Variants in INVS observed in about 807,000 individuals in gnomAD.
INVS encodes inversion of embryo turning homolog.
A neutral mutation model predicts 108.8 loss-of-function variants in INVS; 86 were observed. The observed-to-expected ratio is 0.79, with a 90% CI of 0.66 to 0.95. The LOEUF (loss-of-function observed/expected upper bound fraction) is 0.95, where lower values mean the gene tolerates loss of function less well. Ranked by LOEUF, INVS falls within the 40% of genes least tolerant of loss-of-function variation. The pLI, the probability that INVS is intolerant of heterozygous loss-of-function variation, is 0.00. For missense variants in INVS, 1,169 were observed against 1,297.4 expected (o/e 0.90, Z 1.52); for synonymous variants, 455 against 473.5 (o/e 0.96, Z 0.51).
intron 13 of INVS, among the ~76,000 whole-genome samples, chr9:100,288,882 T>A (rs2118745254): frequency 6.6e-6 from 1 of 152,302 alleles, no homozygotes; most frequent in South Asian, 2.1e-4. Flanking sequence ...TGCCTTGGCC[T>A]CCCAAAGGGC....
chr9:100,267,644 C>T (rs142996002), intron 11 of INVS, among the ~76,000 whole-genome samples: 107 of 152,350 alleles, frequency 7.0e-4, no homozygotes, highest in East Asian at 3.9e-3. Context: ...ATCTGACACA[C>T]TCACCCCAAC....
intron 3 of INVS, among the ~76,000 whole-genome samples, chr9:100,194,477 C>T (rs1032450022): frequency 5.3e-5 from 8 of 151,044 alleles, no homozygotes; most frequent in Non-Finnish European, 1.0e-4. Context: ...CATAAACAAT[C>T]GTCTTATATA....
intron 3 of INVS, among the ~76,000 whole-genome samples, chr9:100,197,101 C>T (rs912454315): frequency 4.6e-5 from 7 of 152,194 alleles, no homozygotes; most frequent in African/African-American, 1.7e-4. Flanking sequence ...ATGCTTCAGA[C>T]ACCAGTTACA....
intron 3 of INVS, among the ~76,000 whole-genome samples, chr9:100,206,135 G>C (rs528068772): frequency 6.6e-6 from 1 of 152,154 alleles, no homozygotes; most frequent in Non-Finnish European, 1.5e-5. Context: ...CAAGAATACT[G>C]TGAATATTAA....
chr9:100,118,677 TTATTA>T (rs1405156669), intron 2 of INVS, among the ~76,000 whole-genome samples: 1 of 151,866 alleles, frequency 6.6e-6, no homozygotes, highest in East Asian at 1.9e-4. Context: ...TTTATTATTA[TTATTA>T]TATTATTCAC....
chr9:100,258,318 A>T (rs1832493020), intron 10 of INVS, among the ~76,000 whole-genome samples: 1 of 152,016 alleles, frequency 6.6e-6, no homozygotes, highest in South Asian at 2.1e-4. Flanking sequence ...TCTTTTTCCA[A>T]AGTTTTTATC....
intron 1 of INVS, among the ~76,000 whole-genome samples, chr9:100,100,100 T>C (rs1826773757): frequency 6.6e-6 from 1 of 152,218 alleles, no homozygotes; most frequent in African/African-American, 2.4e-5. Flanking sequence ...GAGCATTTAT[T>C]ACACGGGCTT....
intron 7 of INVS, among the ~76,000 whole-genome samples, chr9:100,244,919 C>CT (rs1252524995): frequency 6.6e-6 from 1 of 152,198 alleles, no homozygotes; most frequent in African/African-American, 2.4e-5. Flanking sequence ...GGAAGGAGTG[C>CT]TGTGATTTAA....
intron 3 of INVS, among the ~76,000 whole-genome samples, chr9:100,180,187 G>C (rs1829841797): frequency 6.6e-6 from 1 of 151,974 alleles, no homozygotes; most frequent in African/African-American, 2.4e-5. Context: ...GGAGAAAGTG[G>C]GAAAGATCTA....
chr9:100,199,157 T>C (rs1830467723), intron 3 of INVS, among the ~76,000 whole-genome samples: 1 of 152,224 alleles, frequency 6.6e-6, no homozygotes. Flanking sequence ...TGTAAATGTC[T>C]TATTGTTTAC....
intron 12 of INVS, among the ~76,000 whole-genome samples, chr9:100,273,554 T>C (rs1342411595): frequency 2.8e-4 from 36 of 128,406 alleles, no homozygotes; most frequent in Non-Finnish European, 5.0e-4. Flanking sequence ...TTTTTTTTTT[T>C]CTGAGATGGA....
intron 3 of INVS, among the ~76,000 whole-genome samples, chr9:100,199,443 T>G (rs1830475128): frequency 6.6e-6 from 1 of 152,214 alleles, no homozygotes; most frequent in East Asian, 1.9e-4. Flanking sequence ...CTGTTATTGC[T>G]CCTTTCAATC....
chr9:100,165,680 A>G (rs541768276), intron 3 of INVS, among the ~76,000 whole-genome samples: 5 of 152,176 alleles, frequency 3.3e-5, no homozygotes, highest in African/African-American at 1.2e-4. Context: ...TTACTATATC[A>G]ATCCATTGAA....
intron 10 of INVS, among the ~76,000 whole-genome samples, chr9:100,263,728 G>A (rs1233765280): frequency 6.6e-6 from 1 of 152,150 alleles, no homozygotes; most frequent in African/African-American, 2.4e-5. Context: ...TCTTTGTGAG[G>A]GAGTGCATTA....
At chr9:100,105,861 T>A (rs1481017246) in intron 2 of INVS, among the ~76,000 whole-genome samples, 1 of 144,636 alleles carries the variant, frequency 6.9e-6, no homozygotes, top group African/African-American at 2.6e-5. Flanking sequence ...TTTTTTTTTT[T>A]TTTTTTTTTT....
At chr9:100,143,421 G>A (rs1006509863) in intron 3 of INVS, among the ~76,000 whole-genome samples, 9 of 152,138 alleles carry the variant, frequency 5.9e-5, no homozygotes, top group South Asian at 2.1e-4. Flanking sequence ...CTTTTGAAGC[G>A]TGCTGTGGGA....
chr9:100,267,613 GCTGA>G (rs1323891950), intron 11 of INVS, among the ~76,000 whole-genome samples: 11 of 152,306 alleles, frequency 7.2e-5, no homozygotes, highest in Middle Eastern at 3.4e-3. Context: ...GCCAACTTCT[GCTGA>G]CTTTCAGTCA....
chr9:100,270,021 G>T (rs910006046), intron 11 of INVS, among the ~76,000 whole-genome samples: 32 of 152,114 alleles, frequency 2.1e-4, no homozygotes, highest in African/African-American at 7.2e-4. Flanking sequence ...TAACAGATGA[G>T]GAAAACTGAG....
intron 3 of INVS, among the ~76,000 whole-genome samples, chr9:100,186,760 A>G (rs1830066425): frequency 6.6e-6 from 1 of 152,006 alleles, no homozygotes; most frequent in South Asian, 2.1e-4. Flanking sequence ...TCTGGTTATT[A>G]GTTCTTTGTC....
Sources: allele counts gnomAD v4.1 joint callset (sites outside exome capture counted in the v4.1 genomes callset), GRCh38; gene constraint gnomAD v4.1.1; transcripts MANE v1.5; gene names NCBI Gene and HGNC (gene_info 2026-07-23, HGNC 2026-07-21).